Variants in MMP26 observed in about 807,000 individuals in gnomAD.
MMP26 encodes the protein matrix metallopeptidase 26, also known as matrix metalloproteinase-26.
A neutral mutation model predicts 31.0 loss-of-function variants in MMP26; 33 were observed. The observed-to-expected ratio is 1.06, with a 90% CI of 0.81 to 1.42. The LOEUF (loss-of-function observed/expected upper bound fraction) is 1.42, where lower values mean the gene tolerates loss of function less well. MMP26 is among the 40% of genes most tolerant of loss of function. MMP26 has a pLI of 0.00. For synonymous variants in MMP26, 122 were observed against 114.9 expected, an observed-to-expected ratio of 1.06 and a Z score of -0.40; for missense variants, 347 against 316.1, an observed-to-expected ratio of 1.10 and a Z score of -0.74.
At chr11:4,769,091 G>A (rs866331359) in intron 2 of MMP26, 2 of 1,588,966 alleles carry the variant, frequency 1.3e-6, no homozygotes, top group African/African-American at 1.3e-5. Context: ...AGCCATCACT[G>A]AATGGACTAC....
At chr11:4,845,632 AAAAC>A (rs968855177) in intron 2 of MMP26, among the ~76,000 whole-genome samples, 40 of 152,186 alleles carry the variant, frequency 2.6e-4, no homozygotes, top group African/African-American at 9.4e-4. Flanking sequence ...CATAGCAAAT[AAAAC>A]AATCCACAAA....
intron 2 of MMP26, among the ~76,000 whole-genome samples, chr11:4,896,231 A>T (rs1344321412): frequency 6.6e-6 from 1 of 152,120 alleles, no homozygotes; most frequent in Non-Finnish European, 1.5e-5. Flanking sequence ...TTTACTTACC[A>T]TTTAATTACA....
chr11:4,811,216 A>G (rs57901308), intron 2 of MMP26, among the ~76,000 whole-genome samples: 1,847 of 152,254 alleles, frequency 0.012, 22 homozygotes, highest in African/African-American at 0.043. Context: ...TTCAACTTTT[A>G]TTTTAGATTC....
chr11:4,825,911 C>T (rs1849572697), intron 2 of MMP26, among the ~76,000 whole-genome samples: 1 of 152,084 alleles, frequency 6.6e-6, no homozygotes, highest in Admixed American at 6.6e-5. Context: ...AGACAGAAAT[C>T]ATACAATAAT....
intron 2 of MMP26, among the ~76,000 whole-genome samples, chr11:4,809,977 C>G (rs1381510696): frequency 2.0e-5 from 3 of 152,168 alleles, no homozygotes; most frequent in African/African-American, 7.2e-5. Flanking sequence ...TGGCAGAGAC[C>G]TCAGATCAAG....
chr11:4,804,167 T>C, intron 2 of MMP26: 1 of 1,614,022 alleles, frequency 6.2e-7, no homozygotes, highest in Non-Finnish European at 8.5e-7. Context: ...ACCAGGTCAG[T>C]GATGGCCAGC....
intron 2 of MMP26, among the ~76,000 whole-genome samples, chr11:4,987,640 G>A (rs969048592): frequency 1.3e-5 from 2 of 151,464 alleles, no homozygotes; most frequent in Non-Finnish European, 3.0e-5. Context: ...GGATGGTCTC[G>A]ATCTCCTGAC....
intron 2 of MMP26, among the ~76,000 whole-genome samples, chr11:4,819,880 C>T (rs1209148055): frequency 6.6e-6 from 1 of 152,016 alleles, no homozygotes; most frequent in Non-Finnish European, 1.5e-5. Context: ...TGCCTGGCCT[C>T]AACTGAATTT....
intron 2 of MMP26, among the ~76,000 whole-genome samples, chr11:4,857,046 C>A (rs1369930995): frequency 1.3e-5 from 2 of 151,996 alleles, no homozygotes; most frequent in Non-Finnish European, 2.9e-5. Context: ...CACAACATAC[C>A]AGAATCTCTG....
At chr11:4,812,074 T>C (rs1025667681) in intron 2 of MMP26, among the ~76,000 whole-genome samples, 5 of 152,186 alleles carry the variant, frequency 3.3e-5, no homozygotes, top group African/African-American at 9.6e-5. Flanking sequence ...GATAAACTTA[T>C]AGTCACGCCA....
intron 2 of MMP26, among the ~76,000 whole-genome samples, chr11:4,932,543 C>T (rs73407039): frequency 0.01 from 1,545 of 152,262 alleles, 15 homozygotes; most frequent in African/African-American, 0.036. Flanking sequence ...GCGTCAGCTA[C>T]CAGCTTTGGG....
At chr11:4,749,582 A>G (rs1289704364) in intron 1 of MMP26, among the ~76,000 whole-genome samples, 1 of 152,126 alleles carries the variant, frequency 6.6e-6, no homozygotes, top group Non-Finnish European at 1.5e-5. Context: ...AAATAGACAC[A>G]TTGACCAATT....
At chr11:4,823,610 G>A (rs914345299) in intron 2 of MMP26, among the ~76,000 whole-genome samples, 1 of 152,106 alleles carries the variant, frequency 6.6e-6, no homozygotes, top group Non-Finnish European at 1.5e-5. Flanking sequence ...TGAGGCCATG[G>A]ATGTGAATTA....
At chr11:4,962,532 G>T (rs1846534396) in intron 2 of MMP26, among the ~76,000 whole-genome samples, 1 of 152,184 alleles carries the variant, frequency 6.6e-6, no homozygotes, top group Non-Finnish European at 1.5e-5. Context: ...CCCATTGCAA[G>T]CTCAGTGGTT....
chr11:4,781,688 C>A (rs560284887), intron 2 of MMP26, among the ~76,000 whole-genome samples: 1 of 148,286 alleles, frequency 6.7e-6, no homozygotes, highest in South Asian at 2.2e-4. Flanking sequence ...GTATAAAATA[C>A]CACCCTGATG....
At chr11:4,803,624 C>T (rs1589905441) in intron 2 of MMP26, 1 of 1,613,910 alleles carries the variant, frequency 6.2e-7, no homozygotes, top group Non-Finnish European at 8.5e-7. Context: ...ATATAAAGAG[C>T]CAAGATGACA....
chr11:4,782,641 C>CGG (rs35315740), intron 2 of MMP26, among the ~76,000 whole-genome samples: 32 of 152,172 alleles, frequency 2.1e-4, no homozygotes, highest in Admixed American at 1.8e-3. Context: ...CCCAAGACAA[C>CGG]GGGGAAAATG....
chr11:4,931,891 G>A (rs149311370), intron 2 of MMP26, among the ~76,000 whole-genome samples: 6 of 152,108 alleles, frequency 3.9e-5, no homozygotes, highest in Admixed American at 6.6e-5. Context: ...CTTTTAAGGA[G>A]GAAGCATGAG....
At chr11:4,983,554 G>T (rs909330741) in intron 2 of MMP26, among the ~76,000 whole-genome samples, 2 of 152,178 alleles carry the variant, frequency 1.3e-5, no homozygotes, top group Non-Finnish European at 2.9e-5. Context: ...AATCTGCTAG[G>T]AGAGGTCCTA....
Sources: allele counts gnomAD v4.1 joint callset (sites outside exome capture counted in the v4.1 genomes callset), GRCh38; gene constraint gnomAD v4.1.1; transcripts MANE v1.5; gene names NCBI Gene and HGNC (gene_info 2026-07-23, HGNC 2026-07-21).